The following BLVRA variants were observed in gnomAD, a reference collection of about 807,000 sequenced individuals.
BLVRA encodes biliverdin reductase A.
Under a neutral mutation model 32.8 loss-of-function variants are expected in BLVRA, and 22 were observed. The observed-to-expected ratio is 0.67, with a 90% CI of 0.48 to 0.96. The LOEUF (loss-of-function observed/expected upper bound fraction) is 0.96. BLVRA is among the 40% of genes least tolerant of loss of function. The pLI is 0.00. For synonymous variants in BLVRA, 119 were observed against 141.3 expected, an observed-to-expected ratio of 0.84 and a Z score of 1.12; for missense variants, 323 against 358.1, an observed-to-expected ratio of 0.90 and a Z score of 0.79.
In BLVRA at chr7:43,787,140, C is replaced by T. The variant is rs1433632126; in HGVS notation, c.13-764C>T. Among the ~76,000 whole-genome samples, 1 of 152,158 alleles carries T rather than the reference C, an allele frequency of 6.6e-6. No individual in the cohort carries two copies. Among genetic ancestry groups the T allele is most frequent in the Non-Finnish European group, 1.5e-5 (1 of 68,024 alleles). On this transcript the variant is annotated intron_variant, in intron 2 of 7. Coordinates refer to ENST00000265523, the MANE Select transcript of BLVRA (RefSeq NM_000712.4). This position sits in a 1 kb window ranked among gnomAD's most constrained non-coding sequence, Gnocchi z 4.5. Reference sequence around the variant, plus strand: ...GTTTCTCCATGTTGGCCAGGCTGGTCTGGAACTCCTGACCTCAAGTGATCC... The same window carrying T: ...GTTTCTCCATGTTGGCCAGGCTGGTTTGGAACTCCTGACCTCAAGTGATCC...
At chr7:43,777,039 T>C (rs1275005174) in intron 2 of BLVRA, among the ~76,000 whole-genome samples, 2 of 151,594 alleles carry the variant, frequency 1.3e-5, no homozygotes, top group Non-Finnish European at 3.0e-5. Flanking sequence ...TGTGTGTCTC[T>C]GCACGTGAGA....
chr7:43,761,369 A>G (rs1431025286), intron 1 of BLVRA, among the ~76,000 whole-genome samples: 2 of 152,258 alleles, frequency 1.3e-5, no homozygotes, highest in Non-Finnish European at 2.9e-5. Context: ...GTTATCCAAT[A>G]GAATTTTCTG....
chr7:43,773,471 T>C (rs2132554223), intron 2 of BLVRA, among the ~76,000 whole-genome samples: 2 of 152,354 alleles, frequency 1.3e-5, no homozygotes, highest in East Asian at 3.9e-4. Context: ...CATGAACTCA[T>C]CATTTTTTAT....
At chr7:43,802,186 A>C (rs928747434) in intron 6 of BLVRA, among the ~76,000 whole-genome samples, 4 of 152,138 alleles carry the variant, frequency 2.6e-5, no homozygotes, top group African/African-American at 9.7e-5. Context: ...GACAGTAACC[A>C]GCCCTGGGGA....
intron 1 of BLVRA, 57 bp from the exon 2 acceptor site, chr7:43,771,081 G>C: frequency 6.7e-7 from 1 of 1,490,002 alleles, no homozygotes; most frequent in Non-Finnish European, 9.4e-7. Flanking sequence ...GGGAATGTTT[G>C]CCTGGAGTTT....
At chr7:43,764,848 C>T (rs985848573) in intron 1 of BLVRA, among the ~76,000 whole-genome samples, 10 of 150,010 alleles carry the variant, frequency 6.7e-5, no homozygotes, top group African/African-American at 9.8e-5. Flanking sequence ...CATCTAAGTT[C>T]ATCTGCCCCC....
At chr7:43,799,754 A>G (rs1257228732) in intron 5 of BLVRA, among the ~76,000 whole-genome samples, 1 of 151,960 alleles carries the variant, frequency 6.6e-6, no homozygotes, top group Non-Finnish European at 1.5e-5. Flanking sequence ...GATTATAGGC[A>G]TGAGCCACCA....
chr7:43,769,731 C>A (rs2095752328), intron 1 of BLVRA, among the ~76,000 whole-genome samples: 1 of 152,108 alleles, frequency 6.6e-6, no homozygotes, highest in African/African-American at 2.4e-5. Flanking sequence ...CCTCAGCCTC[C>A]CGAGTAGGTG....
At chr7:43,758,761 C>A (rs1310644984) in intron 1 of BLVRA, 27 bp downstream of exon 1, 1 of 151,820 alleles carries the variant, frequency 6.6e-6, no homozygotes, top group Admixed American at 6.6e-5. Context: ...GAACGGGGGT[C>A]GCGCGCAGGG....
intron 3 of BLVRA, 64 bp downstream of exon 3, chr7:43,788,089 G>A (rs2132574984): frequency 6.2e-7 from 1 of 1,613,250 alleles, no homozygotes. Flanking sequence ...ATTAGCTGCA[G>A]GACATGGAGA....
chr7:43,779,590 C>A (rs1408483150), intron 2 of BLVRA, among the ~76,000 whole-genome samples: 1 of 152,246 alleles, frequency 6.6e-6, no homozygotes, highest in East Asian at 1.9e-4. Context: ...CCACTTGGGG[C>A]TGACTTCTGG....
At chr7:43,773,288 C>A (rs192537063) in intron 2 of BLVRA, among the ~76,000 whole-genome samples, 24 of 151,892 alleles carry the variant, frequency 1.6e-4, no homozygotes, top group Admixed American at 5.2e-4. Context: ...TCCCTCCCCT[C>A]TCCCCCCACC....
intron 1 of BLVRA, chr7:43,767,712 G>GC: frequency 4.5e-6 from 2 of 440,222 alleles, no homozygotes; most frequent in Non-Finnish European, 4.3e-6. Context: ...CAGTCTTAAG[G>GC]AGTCATGTTT....
chr7:43,769,127 A>G (rs1015760870), intron 1 of BLVRA, among the ~76,000 whole-genome samples: 5 of 151,958 alleles, frequency 3.3e-5, no homozygotes, highest in Admixed American at 3.3e-4. Flanking sequence ...TCCTGGGCTC[A>G]AGTAATCCTC....
upstream of BLVRA, among the ~76,000 whole-genome samples, chr7:43,758,337 C>G (rs975774049): frequency 2.2e-4 from 24 of 110,700 alleles, no homozygotes; most frequent in Non-Finnish European, 4.7e-4. Context: ...GCCTGCCCCC[C>G]CCACGCCGGG....
intron 3 of BLVRA, among the ~76,000 whole-genome samples, chr7:43,788,779 C>A (rs1436949050): frequency 6.6e-6 from 1 of 151,748 alleles, no homozygotes. Flanking sequence ...GGACTACAGA[C>A]ACACACACCA....
chr7:43,785,930 C>G (rs1289772135), intron 2 of BLVRA, among the ~76,000 whole-genome samples: 1 of 151,918 alleles, frequency 6.6e-6, no homozygotes, highest in Admixed American at 6.6e-5. Context: ...AAAATGGAAT[C>G]ATAATAAATA....
intron 2 of BLVRA, among the ~76,000 whole-genome samples, chr7:43,778,465 G>T (rs180760683): frequency 6.6e-6 from 1 of 152,340 alleles, no homozygotes; most frequent in African/African-American, 2.4e-5. Flanking sequence ...GGTGGCTGTA[G>T]AACAGCGGAT....
At chr7:43,798,197 C>CAAAAAAAAAAAA (rs56855757) in intron 5 of BLVRA, among the ~76,000 whole-genome samples, 6 of 45,196 alleles carry the variant, frequency 1.3e-4, no homozygotes, top group African/African-American at 1.6e-4. Flanking sequence ...CCCCATCTCA[C>CAAAAAAAAAAAA]AAAAAAAAAA....
Sources: gnomAD v4.1 joint callset for allele counts (sites outside exome capture counted in the v4.1 genomes callset) on GRCh38, gnomAD v4.1.1 for gene constraint, Gnocchi (gnomAD v3.1) non-coding constraint, MANE v1.5 for transcripts, NCBI Gene and HGNC (gene_info 2026-07-23, HGNC 2026-07-21) for gene names.